Variants in CHST9 observed in about 807,000 individuals in gnomAD.
CHST9 encodes the protein GalNAc-4-sulfotransferase 2.
A neutral mutation model predicts 44.4 loss-of-function variants in CHST9; 41 were observed. The ratio of observed to expected loss-of-function variants is 0.92; its 90% CI spans 0.72 to 1.20. The LOEUF is 1.20. CHST9 is among the 50% of genes most tolerant of loss of function. The pLI is 0.00. For missense variants in CHST9, 504 were observed against 516.5 expected (o/e 0.98, Z 0.23); for synonymous variants, 171 against 178.4 (o/e 0.96, Z 0.33).
At chr18:27,088,577 T>A (rs2058035673) in intron 2 of CHST9, among the ~76,000 whole-genome samples, 1 of 151,922 alleles carries the variant, frequency 6.6e-6, no homozygotes, top group African/African-American at 2.4e-5. Flanking sequence ...GTATTTTTAG[T>A]AGAGATGGGG....
chr18:26,963,571 A>AT (rs968627369), intron 4 of CHST9, among the ~76,000 whole-genome samples: 18 of 131,456 alleles, frequency 1.4e-4, no homozygotes, highest in African/African-American at 5.6e-4. Context: ...TTTAAGGAGT[A>AT]TTAAAAAAAA....
intron 4 of CHST9, among the ~76,000 whole-genome samples, chr18:26,959,295 A>G (rs2056369507): frequency 6.6e-6 from 1 of 152,162 alleles, no homozygotes; most frequent in African/African-American, 2.4e-5. Flanking sequence ...GATGGAAACA[A>G]TCGACACTGA....
At chr18:27,137,889 A>T (rs983801469) in intron 2 of CHST9, among the ~76,000 whole-genome samples, 15 of 152,118 alleles carry the variant, frequency 9.9e-5, no homozygotes, top group African/African-American at 3.6e-4. Flanking sequence ...TGGGGGAAAA[A>T]ATAAACAACA....
intron 2 of CHST9, among the ~76,000 whole-genome samples, chr18:27,101,012 C>G (rs926882950): frequency 6.6e-6 from 1 of 152,086 alleles, no homozygotes; most frequent in Non-Finnish European, 1.5e-5. Flanking sequence ...TTTAATGCTC[C>G]TTTTTAAGGA....
intron 1 of CHST9, among the ~76,000 whole-genome samples, chr18:27,163,808 T>C (rs1261965089): frequency 6.6e-6 from 1 of 152,130 alleles, no homozygotes; most frequent in Non-Finnish European, 1.5e-5. Context: ...CTCAGTGCAC[T>C]GCACCCAATG....
intron 1 of CHST9, among the ~76,000 whole-genome samples, chr18:27,181,006 T>G (rs1376506325): frequency 6.6e-6 from 1 of 152,190 alleles, no homozygotes; most frequent in Non-Finnish European, 1.5e-5. Context: ...CTTTATGTAG[T>G]GAGCACATTT....
At chr18:27,158,496 G>A (rs1325336321) in intron 1 of CHST9, among the ~76,000 whole-genome samples, 1 of 150,438 alleles carries the variant, frequency 6.6e-6, no homozygotes, top group African/African-American at 2.4e-5. Flanking sequence ...TCTTAATCCA[G>A]TCTATCATTG....
rs563879842 is a variant in CHST9, at chr18:27,068,714, C to T, written c.122-20211G>A. ...CAGAGGTTCAAGTTTCTTTGGGATG[C>T]CTCATTTTATTCTTGTGGCCTTTGG... On this transcript the variant is annotated intron_variant, in intron 2 of 5. Coordinates refer to ENST00000618847, the MANE Select transcript of CHST9 (RefSeq NM_031422.6). Among the ~76,000 whole-genome samples the T allele has an allele frequency of 2.2e-3, 334 of 152,260 alleles. 1 individual carries two copies. The highest frequency in any genetic ancestry group is 3.9e-3 in the Non-Finnish European group (266 of 68,018).
At chr18:27,088,152 T>C (rs1423291898) in intron 2 of CHST9, among the ~76,000 whole-genome samples, 1 of 152,170 alleles carries the variant, frequency 6.6e-6, no homozygotes, top group Non-Finnish European at 1.5e-5. Context: ...CTGCATATAG[T>C]TTTGGATTCC....
At chr18:27,143,716 C>T (rs1427425845) in intron 1 of CHST9, among the ~76,000 whole-genome samples, 2 of 151,856 alleles carry the variant, frequency 1.3e-5, no homozygotes, top group Non-Finnish European at 2.9e-5. Context: ...TCACTGAAAC[C>T]CACATTAAGA....
chr18:27,038,201 A>T (rs1220774744), intron 3 of CHST9, among the ~76,000 whole-genome samples: 1 of 152,172 alleles, frequency 6.6e-6, no homozygotes, highest in African/African-American at 2.4e-5. Flanking sequence ...AAATGAATTC[A>T]TGTCTTACTT....
At position 27,153,498 on chromosome 18, in the gene CHST9, TTGTCTC is replaced by T. The variant is rs577184169; in HGVS notation, c.-96-10599_-96-10594del. Among the ~76,000 whole-genome samples, 405 of 151,252 alleles carry T rather than the reference TTGTCTC, an allele frequency of 2.7e-3. 1 individual carries two copies. The highest frequency in any genetic ancestry group is 4.5e-3 in the Non-Finnish European group (308 of 67,734). ...CCTTTTCCTCTCTCTTGCTTTCTCT[TTGTCTC>T]TGTCTCTGTCTCTCTCTGTCTTTCT... On this transcript the variant is annotated intron_variant, in intron 1 of 5. Transcript: ENST00000618847.
chr18:27,068,918 C>A (rs1269029531), intron 2 of CHST9, among the ~76,000 whole-genome samples: 2 of 152,124 alleles, frequency 1.3e-5, no homozygotes, highest in Non-Finnish European at 2.9e-5. Context: ...AGCTCCTTTT[C>A]TTTTCTAGGA....
chr18:27,065,419 C>G (rs977454422), intron 2 of CHST9, among the ~76,000 whole-genome samples: 1 of 152,062 alleles, frequency 6.6e-6, no homozygotes, highest in Non-Finnish European at 1.5e-5. Flanking sequence ...AGGGGAGGAG[C>G]AGAATGCCAT....
At chr18:27,172,318 T>G (rs2058839373) in intron 1 of CHST9, among the ~76,000 whole-genome samples, 1 of 152,076 alleles carries the variant, frequency 6.6e-6, no homozygotes, top group African/African-American at 2.4e-5. Context: ...GAAATAAAAA[T>G]GTATTAACAG....
chr18:27,079,860 C>T (rs2057943538), intron 2 of CHST9, among the ~76,000 whole-genome samples: 2 of 152,182 alleles, frequency 1.3e-5, no homozygotes, highest in Admixed American at 6.5e-5. Context: ...CCACTGCTCT[C>T]ACTTGTGCTT....
At chr18:27,101,903 A>C (rs1468536372) in intron 2 of CHST9, among the ~76,000 whole-genome samples, 1 of 152,248 alleles carries the variant, frequency 6.6e-6, no homozygotes, top group Non-Finnish European at 1.5e-5. Flanking sequence ...TTCAGAAATA[A>C]GACTACACAA....
rs765067311 is a variant in CHST9, at chr18:27,048,472, T to A, written c.153A>T (p.Val51=). The A allele has an allele frequency of 1.1e-5, 17 of 1,607,644 alleles. No individual in the cohort carries two copies. The highest frequency in any genetic ancestry group is 1.4e-5 in the Non-Finnish European group (17 of 1,177,106). The change falls in exon 3 of 6, where the codon GTA becomes GTT. Residue 51 remains valine (V), a synonymous_variant. Coordinates refer to ENST00000618847, the MANE Select transcript of CHST9 (RefSeq NM_031422.6). ...GRVEKRREQK[V]TSGWGPVKYL... Reference sequence around the variant, plus strand: ...CATTGGACAAAATCTTACCTGAAGTTACTTTTTGTTCTCTTCTCTTCTCCA... The same window carrying A: ...CATTGGACAAAATCTTACCTGAAGTAACTTTTTGTTCTCTTCTCTTCTCCA...
rs556359695 is a variant in CHST9, at chr18:27,148,504, G to A, written c.-96-5599C>T. On this transcript the variant is annotated intron_variant, in intron 1 of 5. Coordinates refer to ENST00000618847, the MANE Select transcript of CHST9 (RefSeq NM_031422.6). ...TTCCCACCTATGAGTGAGAACATGC[G>A]GTGTTTGGTTTTTTGTCCTTGTGAT... 8.0e-3 allele frequency among the ~76,000 whole-genome samples: 1,154 copies of A among 144,568 alleles called. 18 individuals are homozygous for A. The highest frequency in any genetic ancestry group is 0.028 in the African/African-American group (1,092 of 38,770). 94.8% of individuals were successfully genotyped at this position (144,568 alleles called of 152,430 possible).
Sources: allele counts gnomAD v4.1 joint callset (sites outside exome capture counted in the v4.1 genomes callset), GRCh38; gene constraint gnomAD v4.1.1; transcripts MANE v1.5; gene names NCBI Gene and HGNC (gene_info 2026-07-23, HGNC 2026-07-21).